The following RALYL variants were observed in gnomAD, a reference collection of about 807,000 sequenced individuals.
The protein encoded by RALYL is RNA-binding Raly-like protein.
Under a neutral mutation model 35.1 loss-of-function variants are expected in RALYL, and 29 were observed. The observed-to-expected ratio is 0.83, with a 90% CI of 0.61 to 1.13. RALYL has a LOEUF of 1.13. Among genes scored for constraint, RALYL ranks in the 50% most tolerant of loss-of-function variants. The pLI is 0.00. For missense variants in RALYL, 359 were observed against 360.4 expected (o/e 1.00, Z 0.03); for synonymous variants, 120 against 127.6 (o/e 0.94, Z 0.40).
At chr8:84,715,126 C>G (rs1046796683) in intron 2 of RALYL, among the ~76,000 whole-genome samples, 1 of 151,808 alleles carries the variant, frequency 6.6e-6, no homozygotes, top group Non-Finnish European at 1.5e-5. Flanking sequence ...CATATTTTAT[C>G]ATTAAAACTT....
intron 1 of RALYL, among the ~76,000 whole-genome samples, chr8:84,244,291 A>T (rs879626588): frequency 6.6e-6 from 1 of 152,206 alleles, no homozygotes; most frequent in East Asian, 1.9e-4. Flanking sequence ...AGAATTCTTA[A>T]CATTTTAATT....
At chr8:84,704,011 C>G (rs1317631844) in intron 2 of RALYL, among the ~76,000 whole-genome samples, 1 of 152,088 alleles carries the variant, frequency 6.6e-6, no homozygotes, top group Non-Finnish European at 1.5e-5. Context: ...TGTGAAATGA[C>G]AAGTATTTTA....
intron 2 of RALYL, among the ~76,000 whole-genome samples, chr8:84,713,251 A>G (rs934685427): frequency 6.6e-6 from 1 of 152,072 alleles, no homozygotes; most frequent in Admixed American, 6.6e-5. Context: ...TTGGTAGATC[A>G]GTTGACTAAA....
chr8:84,401,928 T>C (rs910938881), intron 1 of RALYL, among the ~76,000 whole-genome samples: 3 of 152,148 alleles, frequency 2.0e-5, no homozygotes, highest in African/African-American at 4.8e-5. Context: ...TTGTTTGCTC[T>C]TGAAGGCTTA....
At chr8:84,500,584 G>A (rs1240175756) in intron 1 of RALYL, among the ~76,000 whole-genome samples, 1 of 152,092 alleles carries the variant, frequency 6.6e-6, no homozygotes, top group Non-Finnish European at 1.5e-5. Flanking sequence ...ATACTAATTT[G>A]GAAGTTAATA....
intron 2 of RALYL, among the ~76,000 whole-genome samples, chr8:84,576,116 A>G (rs775377652): frequency 6.6e-6 from 1 of 152,234 alleles, no homozygotes; most frequent in Admixed American, 6.5e-5. Context: ...ACCACAAAAT[A>G]AAGAATAATC....
intron 2 of RALYL, among the ~76,000 whole-genome samples, chr8:84,724,838 T>C (rs989351916): frequency 2.6e-5 from 4 of 151,782 alleles, no homozygotes; most frequent in African/African-American, 9.7e-5. Flanking sequence ...CTTAATTAAA[T>C]ACTAAGTATA....
intron 2 of RALYL, among the ~76,000 whole-genome samples, chr8:84,670,537 G>T (rs1306538768): frequency 2.6e-5 from 4 of 152,158 alleles, no homozygotes; most frequent in African/African-American, 9.7e-5. Context: ...AAGAAAAAGA[G>T]GTTTAATGGA....
chr8:84,396,763 T>G (rs1351076051), intron 1 of RALYL, among the ~76,000 whole-genome samples: 2 of 151,952 alleles, frequency 1.3e-5, no homozygotes, highest in Non-Finnish European at 2.9e-5. Context: ...TTGTGTGAGA[T>G]ATAGTTTTAG....
At chr8:84,302,581 G>A (rs997437614) in intron 1 of RALYL, among the ~76,000 whole-genome samples, 1 of 152,190 alleles carries the variant, frequency 6.6e-6, no homozygotes, top group Non-Finnish European at 1.5e-5. Context: ...GAAGAGCAAG[G>A]TCGTACATCT....
intron 4 of RALYL, among the ~76,000 whole-genome samples, chr8:84,843,112 G>T (rs557864695): frequency 2.0e-5 from 3 of 152,108 alleles, no homozygotes; most frequent in Non-Finnish European, 4.4e-5. Context: ...GGAAGTTCTG[G>T]CCAGGGCAAT....
intron 1 of RALYL, among the ~76,000 whole-genome samples, chr8:84,467,764 A>T (rs200569626): frequency 1.4e-5 from 2 of 147,384 alleles, no homozygotes; most frequent in Non-Finnish European, 3.0e-5. Context: ...CCCATTATTA[A>T]TGTGTGGGAG....
chr8:84,657,124 G>A (rs1042908311), intron 2 of RALYL, among the ~76,000 whole-genome samples: 1 of 152,174 alleles, frequency 6.6e-6, no homozygotes, highest in South Asian at 2.1e-4. Flanking sequence ...GGCTTCCACA[G>A]ATCTAGTGAA....
At chr8:84,201,541 G>A (rs1047831249) in intron 1 of RALYL, among the ~76,000 whole-genome samples, 2 of 151,820 alleles carry the variant, frequency 1.3e-5, no homozygotes, top group South Asian at 2.1e-4. Flanking sequence ...CTAATTGGGG[G>A]AGTAGTTTTC....
intron 1 of RALYL, among the ~76,000 whole-genome samples, chr8:84,211,554 A>T (rs572646533): frequency 6.6e-6 from 1 of 152,154 alleles, no homozygotes; most frequent in African/African-American, 2.4e-5. Context: ...AATGATTAGC[A>T]TGTAGTTTCC....
intron 1 of RALYL, among the ~76,000 whole-genome samples, chr8:84,388,825 G>C (rs1361879907): frequency 6.6e-6 from 1 of 151,980 alleles, no homozygotes; most frequent in South Asian, 2.1e-4. Flanking sequence ...TTCTTTTGCT[G>C]TGCAGAAGCT....
rs575237380 is a variant in RALYL, at chr8:84,771,252, G to A, written c.257-3327G>A. Among the ~76,000 whole-genome samples the A allele has an allele frequency of 2.6e-5, 4 of 151,688 alleles. No individual in the cohort carries two copies. The East Asian group carries it at 7.7e-4, about 29-fold the overall frequency. On this transcript the variant is annotated intron_variant, in intron 2 of 8. Coordinates refer to ENST00000521268, the MANE Select transcript of RALYL (RefSeq NM_173848.7). The stretch of plus-strand genomic sequence containing the variant: ...TCTCTGTCTCTGTCATTTCTCTACT[G>A]TTGTATAGTATTCCTTTTGGTAAAT...
intron 2 of RALYL, among the ~76,000 whole-genome samples, chr8:84,760,392 T>G (rs1012143424): frequency 1.3e-5 from 2 of 152,044 alleles, no homozygotes; most frequent in African/African-American, 4.8e-5. Context: ...AGCTGTGATA[T>G]TCTACCAATT....
intron 2 of RALYL, among the ~76,000 whole-genome samples, chr8:84,756,967 T>C (rs891546678): frequency 2.0e-5 from 3 of 152,122 alleles, no homozygotes; most frequent in Non-Finnish European, 4.4e-5. Context: ...GAACACACCA[T>C]TTTTATTTAA....
Sources: allele counts gnomAD v4.1 joint callset (sites outside exome capture counted in the v4.1 genomes callset), GRCh38; gene constraint gnomAD v4.1.1; transcripts MANE v1.5; gene names NCBI Gene and HGNC (gene_info 2026-07-23, HGNC 2026-07-21).